NECAB1: variants seen among roughly 807,000 people sequenced by gnomAD.
NECAB1 encodes the protein N-terminal EF-hand calcium binding protein 1.
Under a neutral mutation model 57.5 loss-of-function variants are expected in NECAB1, and 29 were observed. The observed-to-expected ratio is 0.50, with a 90% CI of 0.38 to 0.69. The LOEUF (loss-of-function observed/expected upper bound fraction) is 0.69. NECAB1 is among the 30% of genes least tolerant of loss of function. The probability of loss-of-function intolerance (pLI) is 0.00; values close to 1 mark genes in which losing one functional copy is unlikely to be tolerated. For missense variants in NECAB1, 372 were observed against 413.8 expected (o/e 0.90, Z 0.88); for synonymous variants, 142 against 147.7 (o/e 0.96, Z 0.28).
At position 90,956,466 on chromosome 8, in the gene NECAB1, T is replaced by C. The variant is rs547529899; in HGVS notation, c.*954T>C. On this transcript the variant is annotated 3_prime_UTR_variant, in exon 13 of 13. Coordinates refer to ENST00000417640, the MANE Select transcript of NECAB1 (RefSeq NM_022351.5). Reference sequence around the variant, plus strand: ...AAGTATTAGACAGAAGACATCTGTTTTCGAATTTCAACACTAGAATGACTA... The same window carrying C: ...AAGTATTAGACAGAAGACATCTGTTCTCGAATTTCAACACTAGAATGACTA... The C allele has an allele frequency of 4.5e-4, 69 of 151,970 alleles. No individual in the cohort carries two copies. The highest frequency in any genetic ancestry group is 1.6e-3 in the African/African-American group (67 of 41,490). 9.4% of individuals were successfully genotyped at this position (151,970 alleles called of 1,614,324 possible). A position where few individuals can be genotyped will look rare whatever the true frequency, so the allele number is the denominator to read the frequency against.
chr8:90,937,698 AAAC>A (rs1365268700), intron 9 of NECAB1, among the ~76,000 whole-genome samples: 8 of 152,242 alleles, frequency 5.3e-5, no homozygotes, highest in Non-Finnish European at 7.4e-5. Flanking sequence ...TGATAATTTT[AAAC>A]AACATTTGAG....
At chr8:90,860,353 G>A (rs1279085697) in intron 3 of NECAB1, among the ~76,000 whole-genome samples, 1 of 150,460 alleles carries the variant, frequency 6.6e-6, no homozygotes, top group African/African-American at 2.5e-5. Flanking sequence ...GAAGGCAACT[G>A]TATTTAAGAA....
At chr8:90,869,569 A>C (rs1438893233) in intron 3 of NECAB1, among the ~76,000 whole-genome samples, 1 of 152,230 alleles carries the variant, frequency 6.6e-6, no homozygotes, top group African/African-American at 2.4e-5. Context: ...TGGGAGCTTT[A>C]AGATTTAATA....
At chr8:90,892,401 A>C (rs552573433) in intron 5 of NECAB1, among the ~76,000 whole-genome samples, 10 of 152,334 alleles carry the variant, frequency 6.6e-5, no homozygotes, top group African/African-American at 2.4e-4. Flanking sequence ...TTCATAAAAA[A>C]CATTGGCTAA....
intron 10 of NECAB1, among the ~76,000 whole-genome samples, chr8:90,943,295 CCTCT>C (rs1225939641): frequency 2.0e-5 from 3 of 152,174 alleles, no homozygotes; most frequent in Non-Finnish European, 2.9e-5. Flanking sequence ...AGATTTTCAG[CCTCT>C]CTGTTTACTT....
At chr8:90,828,071 T>G (rs1272733456) in intron 3 of NECAB1, among the ~76,000 whole-genome samples, 1 of 151,950 alleles carries the variant, frequency 6.6e-6, no homozygotes, top group Non-Finnish European at 1.5e-5. Flanking sequence ...TTCTTTAATC[T>G]TTCATTTTAA....
intron 8 of NECAB1, among the ~76,000 whole-genome samples, chr8:90,929,828 T>A (rs916384864): frequency 1.3e-5 from 2 of 152,162 alleles, no homozygotes; most frequent in Non-Finnish European, 2.9e-5. Context: ...TCAGGTAAGG[T>A]GATGGCATGA....
chr8:90,791,969 T>C lies in NECAB1; in HGVS notation c.83T>C (p.Met28Thr), dbSNP rs1010555949. Residue 28 changes from methionine (M) to threonine (T), a missense_variant, in exon 1 of 13, where the codon ATG becomes ACG. Coordinates refer to ENST00000417640, the MANE Select transcript of NECAB1 (RefSeq NM_022351.5). The stretch of plus-strand genomic sequence containing the variant: ...TCTGCTCTGCACCTGTCCAAGGGCA[T>C]GTCGATCTTCCTCGACGTAAGTACA... ...LSSALHLSKG[M>T]SIFLDILRRA... The C allele has an allele frequency of 1.7e-5, 26 of 1,552,312 alleles. No individual in the cohort carries two copies. Among genetic ancestry groups the C allele is most frequent in the Non-Finnish European group, 2.1e-5 (24 of 1,147,360 alleles).
intron 4 of NECAB1, 63 bp downstream of exon 4, chr8:90,872,216 C>A: frequency 7.8e-7 from 1 of 1,277,992 alleles, no homozygotes; most frequent in Non-Finnish European, 1.1e-6. Context: ...AGAGTATTGT[C>A]TGATATATAT....
chr8:90,936,340 T>C lies in NECAB1; in HGVS notation c.747+1983T>C, dbSNP rs191332679. 8.5e-5 allele frequency among the ~76,000 whole-genome samples: 13 copies of C among 152,282 alleles called. No individual in the cohort carries two copies. The East Asian group carries it at 2.5e-3, about 29-fold the overall frequency. On this transcript the variant is annotated intron_variant, in intron 9 of 12. Coordinates refer to ENST00000417640, the MANE Select transcript of NECAB1 (RefSeq NM_022351.5). ...AATAAATTTGTATTACACTTGGTTTTTGAAATGCTAATCTTTACTGATCCT... is the reference window on the plus strand; with the variant it reads ...AATAAATTTGTATTACACTTGGTTTCTGAAATGCTAATCTTTACTGATCCT...
intron 3 of NECAB1, among the ~76,000 whole-genome samples, chr8:90,841,270 A>T (rs531278062): frequency 1.1e-4 from 5 of 47,344 alleles, no homozygotes; most frequent in South Asian, 9.8e-4. Flanking sequence ...AAAAAAAATA[A>T]AAAAAAAAAA....
chr8:90,795,969 A>G (rs185668951), intron 1 of NECAB1, among the ~76,000 whole-genome samples: 1 of 152,330 alleles, frequency 6.6e-6, no homozygotes, highest in East Asian at 1.9e-4. Flanking sequence ...CATCCTGTAC[A>G]TGTACCCCGG....
intron 8 of NECAB1, among the ~76,000 whole-genome samples, chr8:90,932,074 G>A (rs1810423949): frequency 6.6e-6 from 1 of 152,082 alleles, no homozygotes; most frequent in South Asian, 2.1e-4. Flanking sequence ...ATGTAATTCA[G>A]GATGTCACAC....
intron 5 of NECAB1, among the ~76,000 whole-genome samples, chr8:90,894,592 G>C (rs1424366625): frequency 2.6e-5 from 4 of 152,108 alleles, no homozygotes; most frequent in African/African-American, 7.2e-5. Context: ...GCCCATAATA[G>C]GCACAATATA....
chr8:90,824,226 A>G (rs1812189542), intron 2 of NECAB1, among the ~76,000 whole-genome samples: 1 of 151,848 alleles, frequency 6.6e-6, no homozygotes, highest in South Asian at 2.1e-4. Context: ...TTGGCTTTAA[A>G]GGTACTCACT....
intron 5 of NECAB1, among the ~76,000 whole-genome samples, chr8:90,913,834 A>G (rs966948841): frequency 1.3e-5 from 2 of 152,232 alleles, no homozygotes; most frequent in African/African-American, 4.8e-5. Context: ...TGCAGTCTCA[A>G]ACCTTGAGAT....
At chr8:90,843,129 T>C (rs1229315835) in intron 3 of NECAB1, among the ~76,000 whole-genome samples, 2 of 152,122 alleles carry the variant, frequency 1.3e-5, no homozygotes, top group Non-Finnish European at 2.9e-5. Context: ...GGAACTTCTT[T>C]ATAAAACCAT....
intron 12 of NECAB1, among the ~76,000 whole-genome samples, chr8:90,952,706 G>A (rs1440879567): frequency 3.9e-5 from 6 of 152,044 alleles, no homozygotes; most frequent in African/African-American, 1.5e-4. Flanking sequence ...GAACCCAGGA[G>A]GCGGAGGGTT....
At chr8:90,841,133 G>C (rs1047174009) in intron 3 of NECAB1, among the ~76,000 whole-genome samples, 2 of 151,760 alleles carry the variant, frequency 1.3e-5, no homozygotes, top group African/African-American at 4.8e-5. Flanking sequence ...GGTGGCAGGC[G>C]CCTGTAGTCC....
Sources: allele counts gnomAD v4.1 joint callset (sites outside exome capture counted in the v4.1 genomes callset), GRCh38; gene constraint gnomAD v4.1.1; transcripts MANE v1.5; gene names NCBI Gene and HGNC (gene_info 2026-07-23, HGNC 2026-07-21).